The following DPP4 variants were observed in gnomAD, a reference collection of about 807,000 sequenced individuals.
DPP4 encodes ADCP-2.
DPP4 carries 93 observed loss-of-function variants against 122.4 expected under a neutral mutation model. The observed-to-expected ratio is 0.76, with a 90% CI of 0.64 to 0.90. The LOEUF (loss-of-function observed/expected upper bound fraction) is 0.90. DPP4 is among the 40% of genes least tolerant of loss of function. The probability of loss-of-function intolerance (pLI) is 0.00; values close to 1 mark genes in which losing one functional copy is unlikely to be tolerated. For synonymous variants in DPP4, 321 were observed against 302.9 expected, an observed-to-expected ratio of 1.06 and a Z score of -0.62; for missense variants, 914 against 907.3, an observed-to-expected ratio of 1.01 and a Z score of -0.09.
chr2:162,032,528 T>C lies in DPP4; in HGVS notation c.887+1013A>G, dbSNP rs558700719. ...GGTGAAACCTCATCTCTACTAAAAA[T>C]ACAAAAATTAGCCAGGCATGCACCT... On this transcript the variant is annotated intron_variant, in intron 10 of 25. Transcript: ENST00000360534. Among the ~76,000 whole-genome samples the C allele has an allele frequency of 2.0e-5, 3 of 151,890 alleles. No homozygotes were observed. The South Asian group carries it at 6.2e-4, about 32-fold the overall frequency.
intron 10 of DPP4, among the ~76,000 whole-genome samples, chr2:162,032,501 A>G (rs1270159522): frequency 1.3e-5 from 2 of 152,266 alleles, no homozygotes; most frequent in South Asian, 2.1e-4. Flanking sequence ...CCTGACCAAC[A>G]TGGTGAAACC....
intron 10 of DPP4, among the ~76,000 whole-genome samples, chr2:162,032,836 G>T (rs1358182330): frequency 1.3e-5 from 2 of 152,304 alleles, no homozygotes; most frequent in Admixed American, 6.5e-5. Context: ...GGCTGAAGGT[G>T]CTCCATGGCG....
At chr2:161,994,899 C>T in intron 25 of DPP4, 62 bp downstream of exon 25, 1 of 1,507,742 alleles carries the variant, frequency 6.6e-7, no homozygotes, top group Non-Finnish European at 9.2e-7. Context: ...AGAATTAGCC[C>T]AGAAAGAGGA....
In DPP4 at chr2:162,046,907, A is replaced by G; in HGVS notation, c.285+8T>C. The G allele has an allele frequency of 6.5e-7, 1 of 1,531,806 alleles. No homozygotes were observed. The highest frequency in any genetic ancestry group is 1.1e-5 in the South Asian group (1 of 89,260). 94.9% of individuals were successfully genotyped at this position (1,531,806 alleles called of 1,614,324 possible). A position where few individuals can be genotyped will look rare whatever the true frequency, so the allele number is the denominator to read the frequency against. ...CTATGCATGAATTAATTACGTGATT[A>G]AACATACAAATGTACTGTTCTCCAA... is the stretch of plus-strand genomic sequence containing the variant. On this transcript the variant is annotated splice_region_variant and intron_variant, in intron 4 of 25. Coordinates refer to ENST00000360534, the MANE Select transcript of DPP4 (RefSeq NM_001935.4).
chr2:162,048,281 C>T (rs1192248210), intron 2 of DPP4, among the ~76,000 whole-genome samples: 1 of 152,132 alleles, frequency 6.6e-6, no homozygotes, highest in East Asian at 1.9e-4. Flanking sequence ...TCTGTTTTTC[C>T]ACCATGCCCA....
chr2:162,024,154 C>A (rs2106106681), intron 11 of DPP4, among the ~76,000 whole-genome samples: 1 of 152,236 alleles, frequency 6.6e-6, no homozygotes, highest in African/African-American at 2.4e-5. Context: ...TTGGCATATG[C>A]CAGCAAACCT....
intron 11 of DPP4, among the ~76,000 whole-genome samples, chr2:162,023,711 G>T (rs1683218144): frequency 6.6e-6 from 1 of 152,084 alleles, no homozygotes; most frequent in African/African-American, 2.4e-5. Flanking sequence ...CCTTTTTAGG[G>T]TACAATGAGG....
intron 23 of DPP4, 43 bp from the exon 24 acceptor site, chr2:161,995,415 G>T (rs201839504): frequency 1.4e-5 from 22 of 1,548,006 alleles, no homozygotes; most frequent in Admixed American, 1.0e-4. Context: ...AAAAGGATCT[G>T]CCATAAACTG....
rs1330433960 is a variant in DPP4, at chr2:161,992,563, C to A, written c.*720G>T. On this transcript the variant is annotated 3_prime_UTR_variant, in exon 26 of 26. Coordinates refer to ENST00000360534, the MANE Select transcript of DPP4 (RefSeq NM_001935.4). ...TTTTTTTAAAAGCACATTTACAATGCTTTCCCATCACCCTTGCTGTGTTTT... is the reference window on the plus strand; with the variant it reads ...TTTTTTTAAAAGCACATTTACAATGATTTCCCATCACCCTTGCTGTGTTTT... 1.3e-5 allele frequency: 2 copies of A among 152,688 alleles called. No individual in the cohort carries two copies. The highest frequency in any genetic ancestry group is 2.9e-5 in the Non-Finnish European group (2 of 68,044). The allele number at this position is 152,688 out of a possible 1,614,324, so 9.5% of individuals were successfully genotyped here.
intron 2 of DPP4, among the ~76,000 whole-genome samples, chr2:162,068,413 G>A (rs539462523): frequency 8.4e-4 from 128 of 152,264 alleles, no homozygotes; most frequent in African/African-American, 3.0e-3. Context: ...CCAACTTTGT[G>A]GAACTTTGAG....
intron 8 of DPP4, among the ~76,000 whole-genome samples, chr2:162,036,989 GTT>G (rs896856455): frequency 1.3e-5 from 2 of 152,146 alleles, no homozygotes; most frequent in Non-Finnish European, 2.9e-5. Flanking sequence ...CCAAGATTTT[GTT>G]TTTTAGAATT....
chr2:162,000,111 A>G (rs1226910865), intron 23 of DPP4, among the ~76,000 whole-genome samples: 3 of 152,134 alleles, frequency 2.0e-5, no homozygotes, highest in Non-Finnish European at 4.4e-5. Flanking sequence ...TCTTATAGAA[A>G]GAGCACACAG....
In DPP4 at chr2:162,018,753, T is replaced by C. The variant is rs761124157; in HGVS notation, c.1396A>G (p.Lys466Glu). 4 of 1,614,090 alleles carry C rather than the reference T, an allele frequency of 2.5e-6. No homozygotes were observed. In the Admixed American group the frequency reaches 5.0e-5, roughly 20 times the overall value. Residue 466 changes from lysine (K) to glutamate (E), a missense_variant, in exon 16 of 26, where the codon AAG becomes GAG. Physicochemically the swap from Lys to Glu is moderately conservative, Grantham distance 56 (BLOSUM62 1). Coordinates refer to ENST00000360534, the MANE Select transcript of DPP4 (RefSeq NM_001935.4). ...YYSVSFSKEA[K>E]YYQLRCSGPG... ...CCGGAACATCTCAGCTGATAATACT[T>C]CGCCTCTTTACTGAATGACACAGAA...
At position 162,038,918 on chromosome 2, in the gene DPP4, A is replaced by G. The variant is rs758920217; in HGVS notation, c.492+31T>C. 2.2e-5 allele frequency: 35 copies of G among 1,605,812 alleles called. No individual in the cohort carries two copies. The South Asian group carries it at 3.5e-4, about 16-fold the overall frequency. On this transcript the variant is annotated intron_variant, in intron 7 of 25. Coordinates refer to ENST00000360534, the MANE Select transcript of DPP4 (RefSeq NM_001935.4). ...CTGCCTATGAAAAATTTGAGCCTAT[A>G]TTTTTCTGACAACTGGAGAGACTCA...
chr2:161,993,249 T>C lies in DPP4; in HGVS notation c.*34A>G, dbSNP rs1187142999. The C allele has an allele frequency of 5.2e-6, 8 of 1,529,224 alleles. No individual in the cohort carries two copies. The highest frequency in any genetic ancestry group is 7.2e-6 in the Non-Finnish European group (8 of 1,103,640). 94.7% of individuals were successfully genotyped at this position (1,529,224 alleles called of 1,614,324 possible). A position where few individuals can be genotyped will look rare whatever the true frequency, so the allele number is the denominator to read the frequency against. On this transcript the variant is annotated 3_prime_UTR_variant, in exon 26 of 26. Coordinates refer to ENST00000360534, the MANE Select transcript of DPP4 (RefSeq NM_001935.4). ...AGATAATGAAAACAAAAATGAGTTT[T>C]AATAAGCTTTAAATGGCATGGTATT...
Position 162,047,003 on chromosome 2 carries a change from T to A in DPP4, c.197A>T (p.His66Leu), listed in dbSNP as rs1159262120. The change falls in exon 4 of 26, where the codon CAT becomes CTT. Residue 66 changes from histidine (H) to leucine (L), a missense_variant. Physicochemically the swap from His to Leu is moderately conservative, Grantham distance 99. Coordinates refer to ENST00000360534, the MANE Select transcript of DPP4 (RefSeq NM_001935.4). ...KLYSLRWISD[H>L]EYLYKQENNI... ...ATTTTCTTGTTTGTAGAGATATTCA[T>A]GATCTAAAGAGAGAAAACACCCAGA... 6.5e-7 allele frequency: 1 copy of A among 1,547,048 alleles called. No homozygotes were observed. The highest frequency in any genetic ancestry group is 8.9e-7 in the Non-Finnish European group (1 of 1,125,454).
intron 2 of DPP4, among the ~76,000 whole-genome samples, chr2:162,060,951 A>G (rs76339676): frequency 0.29 from 30,335 of 104,288 alleles, 4,156 homozygotes; most frequent in Middle Eastern, 0.43. Context: ...CTTCCTTCCT[A>G]GCCTCCTTCT....
chr2:162,012,385 C>T (rs1249801021), intron 19 of DPP4, among the ~76,000 whole-genome samples: 1 of 152,066 alleles, frequency 6.6e-6, no homozygotes, highest in Non-Finnish European at 1.5e-5. Context: ...TAACACAATA[C>T]TCCTGGACTG....
chr2:162,036,338 C>T (rs143357613), intron 8 of DPP4, among the ~76,000 whole-genome samples: 2 of 152,204 alleles, frequency 1.3e-5, no homozygotes, highest in East Asian at 3.9e-4. Context: ...AAAATAATTA[C>T]TGTAATAAAA....
Sources: allele counts gnomAD v4.1 joint callset (sites outside exome capture counted in the v4.1 genomes callset), GRCh38; gene constraint gnomAD v4.1.1; transcripts MANE v1.5; gene names NCBI Gene and HGNC (gene_info 2026-07-23, HGNC 2026-07-21).